Variants in YARS1 observed in about 807,000 individuals in gnomAD.
The protein encoded by YARS1 is tyrosine--tRNA ligase, cytoplasmic.
In YARS1, 36 loss-of-function variants were observed where a neutral mutation model predicts 62.2. That is an observed-to-expected ratio of 0.58 (90% CI 0.44 to 0.76). The LOEUF (loss-of-function observed/expected upper bound fraction) is 0.76, where lower values mean the gene tolerates loss of function less well. Among genes scored for constraint, YARS1 ranks in the 30% least tolerant of loss-of-function variants. The pLI is 0.00. For synonymous variants in YARS1, 234 were observed against 244.9 expected, an observed-to-expected ratio of 0.96 and a Z score of 0.42; for missense variants, 524 against 639.8, an observed-to-expected ratio of 0.82 and a Z score of 1.95.
intron 1 of YARS1, 75 bp downstream of exon 1, chr1:32,817,113 C>A: frequency 1.3e-6 from 2 of 1,584,754 alleles, no homozygotes; most frequent in Non-Finnish European, 8.7e-7. Context: ...ACTTAGAACC[C>A]CGTAATGGGG....
intron 3 of YARS1, among the ~76,000 whole-genome samples, chr1:32,808,603 GA>G (rs1638515338): frequency 1.3e-5 from 2 of 152,124 alleles, no homozygotes; most frequent in Non-Finnish European, 2.9e-5. Context: ...AGTTCTTGGA[GA>G]ATAAAAACCA....
intron 10 of YARS1, 26 bp downstream of exon 10, chr1:32,781,018 CCTCT>C (rs896892277): frequency 2.1e-5 from 34 of 1,605,052 alleles, no homozygotes; most frequent in Non-Finnish European, 2.8e-5. Flanking sequence ...CCCCAATCTG[CCTCT>C]CTGAGATGTG....
intron 8 of YARS1, among the ~76,000 whole-genome samples, chr1:32,786,028 C>T (rs1207118952): frequency 2.6e-5 from 4 of 152,026 alleles, no homozygotes; most frequent in East Asian, 1.9e-4. Context: ...AGGGACCACT[C>T]GTGTGTATAA....
chr1:32,787,147 A>C (rs753167576), intron 6 of YARS1, 72 bp from the exon 7 acceptor site: 92 of 1,592,310 alleles, frequency 5.8e-5, no homozygotes, highest in Non-Finnish European at 7.5e-5. Flanking sequence ...TATAAGTTAA[A>C]TTTTGTTTTT....
intron 5 of YARS1, among the ~76,000 whole-genome samples, chr1:32,791,585 T>A (rs1653413981): frequency 6.6e-6 from 1 of 152,030 alleles, no homozygotes; most frequent in Non-Finnish European, 1.5e-5. Flanking sequence ...GTGGATCACC[T>A]AAGGTTAGGA....
rs541277201 is a variant in YARS1, at chr1:32,797,887, T to C, written c.511-44A>G. On this transcript the variant is annotated intron_variant, in intron 4 of 12. Transcript: ENST00000373477. ...GAACATAAACATCTACTTTATTTTTTTGAGACAGAGTCTCGCTCTGTCGCC... is the reference window on the plus strand; with the variant it reads ...GAACATAAACATCTACTTTATTTTTCTGAGACAGAGTCTCGCTCTGTCGCC... The C allele has an allele frequency of 8.4e-4, 1,318 of 1,569,706 alleles. 8 individuals carry two copies. The South Asian group carries it at 0.011, about 13-fold the overall frequency.
chr1:32,810,926 TAAG>T lies in YARS1; in HGVS notation c.186_188del (p.Phe62del). 6.2e-7 allele frequency: 1 copy of T among 1,614,164 alleles called. No homozygotes were observed. The highest frequency in any genetic ancestry group is 8.5e-7 in the Non-Finnish European group (1 of 1,180,022). On this transcript the variant is annotated inframe_deletion, in exon 2 of 13. Transcript: ENST00000373477. ...TAGTTCTTACCTCACACCCTGCCTT[TAAG>T]AAGTCTGCAATCTTTGACATGGGCA...
chr1:32,780,291 G>T lies in YARS1; in HGVS notation c.1141-13C>A. ...CTGCATCTGGGTGCTGCCAGGGAGAGACGTCAGGAGGAAGAGGATCATCGT... is the reference window on the plus strand; with the variant it reads ...CTGCATCTGGGTGCTGCCAGGGAGATACGTCAGGAGGAAGAGGATCATCGT... On this transcript the variant is annotated splice_polypyrimidine_tract_variant and intron_variant, in intron 10 of 12. Coordinates refer to ENST00000373477, the MANE Select transcript of YARS1 (RefSeq NM_003680.4). 1 of 1,613,906 alleles carries T rather than the reference G, an allele frequency of 6.2e-7. No individual in the cohort carries two copies. The highest frequency in any genetic ancestry group is 8.5e-7 in the Non-Finnish European group (1 of 1,180,016).
At chr1:32,816,977 C>G (rs1638759864) in intron 1 of YARS1, 2 of 638,266 alleles carry the variant, frequency 3.1e-6, no homozygotes, top group Admixed American at 5.3e-5. Flanking sequence ...CAACTGGACG[C>G]AAGAGGTGAG....
chr1:32,809,970 G>T (rs1638546148), intron 3 of YARS1, among the ~76,000 whole-genome samples: 1 of 152,088 alleles, frequency 6.6e-6, no homozygotes, highest in Non-Finnish European at 1.5e-5. Context: ...GCCGGGTGTG[G>T]TGGCGCATGC....
chr1:32,810,883 C>T lies in YARS1; in HGVS notation c.204+28G>A, dbSNP rs200062422. On this transcript the variant is annotated intron_variant, in intron 2 of 12. Transcript: ENST00000373477. ...CTCTTGGGTCTCCCTTGGGTCATTC[C>T]CCAAGGGCTTATAGCATTAGTTCTT... 9.4e-5 allele frequency: 152 copies of T among 1,613,984 alleles called. 1 individual carries two copies. The highest frequency in any genetic ancestry group is 1.2e-4 in the Non-Finnish European group (144 of 1,180,028).
At chr1:32,810,508 T>C (rs1638559661) in intron 3 of YARS1, 83 bp downstream of exon 3, 7 of 1,563,854 alleles carry the variant, frequency 4.5e-6, no homozygotes, top group Admixed American at 1.7e-5. Flanking sequence ...CTAATCTAAA[T>C]GTAAAGAATG....
chr1:32,780,499 T>C (rs1653017480), intron 10 of YARS1: 1 of 587,806 alleles, frequency 1.7e-6, no homozygotes. Flanking sequence ...AAAGTGGACC[T>C]AGATGCTTGT....
chr1:32,796,963 CTCA>C (rs1382859404), intron 5 of YARS1, among the ~76,000 whole-genome samples: 6 of 7,582 alleles, frequency 7.9e-4, no homozygotes, highest in African/African-American at 2.3e-3. Context: ...GAAACTCAGT[CTCA>C]AAAAAAAAAA....
chr1:32,780,504 G>A (rs1034804422), intron 10 of YARS1: 8 of 582,622 alleles, frequency 1.4e-5, no homozygotes, highest in Non-Finnish European at 2.1e-5. Flanking sequence ...GGACCTAGAT[G>A]CTTGTGTTAA....
chr1:32,794,596 G>A (rs1314873354), intron 5 of YARS1, among the ~76,000 whole-genome samples: 1 of 151,726 alleles, frequency 6.6e-6, no homozygotes, highest in Non-Finnish European at 1.5e-5. Context: ...CATCATGTTG[G>A]CCAGGCTGGT....
At chr1:32,797,506 G>A (rs991752524) in intron 5 of YARS1, 36 of 550,338 alleles carry the variant, frequency 6.5e-5, no homozygotes, top group Non-Finnish European at 6.2e-5. Flanking sequence ...CAACAGGTGC[G>A]GGAGCAGCTT....
At chr1:32,797,017 T>C (rs1431370284) in intron 5 of YARS1, among the ~76,000 whole-genome samples, 8 of 20,734 alleles carry the variant, frequency 3.9e-4, no homozygotes, top group Non-Finnish European at 6.6e-4. Context: ...TATATATATA[T>C]ATATATATAT....
chr1:32,809,998 CA>C (rs1638548003), intron 3 of YARS1, among the ~76,000 whole-genome samples: 1 of 151,224 alleles, frequency 6.6e-6, no homozygotes. Context: ...CCCAGGTACT[CA>C]GGAGGCTGAG....
Sources: gnomAD v4.1 joint callset for allele counts (sites outside exome capture counted in the v4.1 genomes callset) on GRCh38, gnomAD v4.1.1 for gene constraint, MANE v1.5 for transcripts, NCBI Gene and HGNC (gene_info 2026-07-23, HGNC 2026-07-21) for gene names.